Variants in CTNND2 observed in about 807,000 individuals in gnomAD.
CTNND2 encodes the protein catenin delta-2.
Under a neutral mutation model 144.4 loss-of-function variants are expected in CTNND2, and 22 were observed. The observed-to-expected ratio is 0.15, with a 90% CI of 0.11 to 0.22. CTNND2 has a LOEUF of 0.22. Among genes scored for constraint, CTNND2 ranks in the 10% least tolerant of loss-of-function variants. The pLI is 1.00. For missense variants in CTNND2, 1,353 were observed against 1,618.8 expected, an observed-to-expected ratio of 0.84 and a Z score of 2.82; for synonymous variants, 751 against 695.6, an observed-to-expected ratio of 1.08 and a Z score of -1.25.
At chr5:11,470,280 C>A (rs1767067331) in intron 3 of CTNND2, among the ~76,000 whole-genome samples, 1 of 151,890 alleles carries the variant, frequency 6.6e-6, no homozygotes, top group Admixed American at 6.6e-5. Context: ...CATTAAAATA[C>A]AAAATTAGCT....
intron 10 of CTNND2, among the ~76,000 whole-genome samples, chr5:11,213,683 T>C (rs1738873015): frequency 6.6e-6 from 1 of 152,072 alleles, no homozygotes; most frequent in Admixed American, 6.6e-5. Context: ...TGATGTGTCA[T>C]CCTAATGGAG....
Position 11,414,634 on chromosome 5 carries a change from G to A in CTNND2, c.288-2565C>T, listed in dbSNP as rs117822433. On this transcript the variant is annotated intron_variant, in intron 3 of 21. Transcript: ENST00000304623. ...AAACCTTTATTTCCGGGATCCATGC[G>A]AAGGTTTGTTACACAGGTAAACTCA... Among the ~76,000 whole-genome samples, 317 of 152,244 alleles carry A rather than the reference G, an allele frequency of 2.1e-3. 2 individuals are homozygous for A. The East Asian group carries it at 0.038, about 18-fold the overall frequency.
At chr5:11,543,862 T>A (rs11133658) in intron 3 of CTNND2, among the ~76,000 whole-genome samples, 4,775 of 152,266 alleles carry the variant, frequency 0.031, 227 homozygotes, top group East Asian at 0.23. Context: ...GATGCCCTCA[T>A]ACTCGGCAGA....
intron 1 of CTNND2, among the ~76,000 whole-genome samples, chr5:11,859,635 T>C (rs1011305802): frequency 1.3e-5 from 2 of 152,130 alleles, no homozygotes; most frequent in Non-Finnish European, 2.9e-5. Context: ...TCTCCTATTC[T>C]TACCCTTAAT....
intron 2 of CTNND2, among the ~76,000 whole-genome samples, chr5:11,610,988 TCCCCAC>T (rs1450486402): frequency 1.3e-5 from 2 of 152,154 alleles, no homozygotes; most frequent in African/African-American, 4.8e-5. Flanking sequence ...TTTGGCTGTG[TCCCCAC>T]CCAAATCTCA....
intron 16 of CTNND2, among the ~76,000 whole-genome samples, chr5:11,065,462 T>C (rs1747459845): frequency 6.6e-6 from 1 of 152,234 alleles, no homozygotes; most frequent in Admixed American, 6.5e-5. Flanking sequence ...GTCCTTTGCC[T>C]ATCAGAAAGA....
intron 2 of CTNND2, among the ~76,000 whole-genome samples, chr5:11,593,761 C>T (rs1051233669): frequency 2.0e-5 from 3 of 152,124 alleles, no homozygotes; most frequent in Non-Finnish European, 2.9e-5. Context: ...CACCTTTTTT[C>T]CTTTTAAATC....
At chr5:11,874,096 C>T (rs936845179) in intron 1 of CTNND2, among the ~76,000 whole-genome samples, 2 of 152,056 alleles carry the variant, frequency 1.3e-5, no homozygotes, top group Non-Finnish European at 2.9e-5. Context: ...CAAACAGAAA[C>T]GCTGGAATTG....
At chr5:11,899,493 A>G (rs1178681563) in intron 1 of CTNND2, among the ~76,000 whole-genome samples, 2 of 152,214 alleles carry the variant, frequency 1.3e-5, no homozygotes, top group African/African-American at 4.8e-5. Flanking sequence ...CAGAATAGAA[A>G]GTTTAGCATA....
intron 3 of CTNND2, among the ~76,000 whole-genome samples, chr5:11,492,203 GT>G (rs1360565448): frequency 2.6e-5 from 4 of 152,150 alleles, no homozygotes; most frequent in African/African-American, 9.7e-5. Flanking sequence ...CATGGGGCAG[GT>G]AAACGGCATT....
rs558420670 is a variant in CTNND2 at position 11,478,164 on chromosome 5, G to A, written c.288-66095C>T. On this transcript the variant is annotated intron_variant, in intron 3 of 21. Transcript: ENST00000304623. ...TGCATGGATGGATATAAGTATGTGT[G>A]TGTGCATATTTTTTCTTCTATTCTA... 2.6e-5 allele frequency among the ~76,000 whole-genome samples: 4 copies of A among 152,270 alleles called. No homozygotes were observed. The South Asian group carries it at 8.3e-4, about 32-fold the overall frequency.
intron 18 of CTNND2, among the ~76,000 whole-genome samples, chr5:10,999,831 T>G (rs1038544318): frequency 9.9e-5 from 15 of 152,218 alleles, no homozygotes; most frequent in Admixed American, 2.0e-4. Flanking sequence ...TAGCTGTCCC[T>G]CCACCACTTT....
chr5:11,355,904 T>C (rs1755822892), intron 8 of CTNND2, among the ~76,000 whole-genome samples: 1 of 151,926 alleles, frequency 6.6e-6, no homozygotes, highest in South Asian at 2.1e-4. Context: ...TGTACAGAAA[T>C]ATACTAGCTG....
intron 2 of CTNND2, among the ~76,000 whole-genome samples, chr5:11,630,942 G>A (rs6896175): frequency 0.34 from 50,635 of 148,510 alleles, 9,635 homozygotes; most frequent in Middle Eastern, 0.6. Flanking sequence ...CAACAAGAGC[G>A]AAACTCCATC....
At chr5:11,497,227 T>A (rs553666849) in intron 3 of CTNND2, among the ~76,000 whole-genome samples, 2 of 134,416 alleles carry the variant, frequency 1.5e-5, no homozygotes, top group South Asian at 2.2e-4. Flanking sequence ...ATGTGACTAC[T>A]TTTTTTTTTT....
chr5:11,630,516 T>A (rs747624082), intron 2 of CTNND2, among the ~76,000 whole-genome samples: 2 of 152,226 alleles, frequency 1.3e-5, no homozygotes, highest in African/African-American at 4.8e-5. Flanking sequence ...TTAAACTGCA[T>A]GTAGAAATTA....
intron 1 of CTNND2, among the ~76,000 whole-genome samples, chr5:11,771,994 A>T (rs1789970076): frequency 1.3e-5 from 2 of 152,314 alleles, no homozygotes; most frequent in Middle Eastern, 6.8e-3. Flanking sequence ...TCCAAAGGAC[A>T]GTTACTTCAT....
intron 2 of CTNND2, among the ~76,000 whole-genome samples, chr5:11,612,998 G>A (rs1473330249): frequency 2.6e-5 from 4 of 152,206 alleles, no homozygotes; most frequent in Non-Finnish European, 5.9e-5. Context: ...ATAATTAATA[G>A]AGTCGCAGAA....
At chr5:11,536,229 A>AT (rs918076458) in intron 3 of CTNND2, among the ~76,000 whole-genome samples, 38 of 151,896 alleles carry the variant, frequency 2.5e-4, no homozygotes, top group Middle Eastern at 3.4e-3. Context: ...CATTCAGCTG[A>AT]TTTTTTTATT....
Sources: allele counts gnomAD v4.1 joint callset (sites outside exome capture counted in the v4.1 genomes callset), GRCh38; gene constraint gnomAD v4.1.1; transcripts MANE v1.5; gene names NCBI Gene and HGNC (gene_info 2026-07-23, HGNC 2026-07-21).